The following MKX variants were observed in gnomAD, a reference collection of about 807,000 sequenced individuals.
The protein encoded by MKX is homeobox protein Mohawk.
In MKX, 13 loss-of-function variants were observed where a neutral mutation model predicts 36.0. The ratio of observed to expected loss-of-function variants is 0.36; its 90% CI spans 0.24 to 0.57. The LOEUF (loss-of-function observed/expected upper bound fraction) is 0.57. Among genes scored for constraint, MKX ranks in the 20% least tolerant of loss-of-function variants. MKX has a pLI of 0.79. For missense variants in MKX, 458 were observed against 456.4 expected (o/e 1.00, Z -0.03); for synonymous variants, 176 against 178.3 (o/e 0.99, Z 0.10).
intron 5 of MKX, among the ~76,000 whole-genome samples, chr10:27,711,537 TCC>T (rs1836871530): frequency 1.6e-5 from 2 of 123,858 alleles, no homozygotes; most frequent in African/African-American, 2.9e-5. Flanking sequence ...CTTCCTTCCT[TCC>T]TTTTTCTTTC....
At chr10:27,687,232 A>G (rs1283046326) in intron 5 of MKX, among the ~76,000 whole-genome samples, 1 of 152,018 alleles carries the variant, frequency 6.6e-6, no homozygotes, top group East Asian at 1.9e-4. Context: ...TCTCGAACAC[A>G]TGACCTCGTG....
intron 5 of MKX, among the ~76,000 whole-genome samples, chr10:27,725,315 AAG>A (rs1346355253): frequency 1.3e-5 from 2 of 152,200 alleles, no homozygotes; most frequent in African/African-American, 4.8e-5. Context: ...TCAAAGAGGA[AAG>A]AGAGAAAAAG....
At chr10:27,686,492 C>G (rs967831311) in intron 5 of MKX, among the ~76,000 whole-genome samples, 2 of 152,010 alleles carry the variant, frequency 1.3e-5, no homozygotes, top group African/African-American at 2.4e-5. Flanking sequence ...TCTTTTCTTT[C>G]TTCTGAGACA....
Position 27,744,737 on chromosome 10 carries a change from C to CAT in MKX, c.-83+969_-83+970insAT, listed in dbSNP as rs1835011664. The CAT allele has an allele frequency of 6.4e-6, 1 of 155,364 alleles. No homozygotes were observed. The highest frequency in any genetic ancestry group is 1.9e-4 in the East Asian group (1 of 5,306). The allele number at this position is 155,364 out of a possible 1,614,324, so 9.6% of individuals were successfully genotyped here. A position where few individuals can be genotyped will look rare whatever the true frequency, so the allele number is the denominator to read the frequency against. On this transcript the variant is annotated intron_variant, in intron 1 of 6. Coordinates refer to ENST00000419761, the MANE Select transcript of MKX (RefSeq NM_173576.3). This position sits in a 1 kb window ranked among gnomAD's most constrained non-coding sequence, Gnocchi z 5.6. ...ACACACACACACACACACACACACA[C>CAT]ACACACACCCTTTGCCTCGCCAAGC...
chr10:27,708,446 T>C (rs549111811), intron 5 of MKX, among the ~76,000 whole-genome samples: 13 of 152,276 alleles, frequency 8.5e-5, no homozygotes, highest in Non-Finnish European at 1.8e-4. Flanking sequence ...AAAAATTGAC[T>C]ATAGGCCGGG....
Position 27,741,553 on chromosome 10 carries a change from G to T in MKX, c.189-49C>A, listed in dbSNP as rs201344513. The T allele has an allele frequency of 9.9e-5, 151 of 1,519,798 alleles. No individual in the cohort carries two copies. The East Asian group carries it at 3.1e-3, about 31-fold the overall frequency. 94.1% of individuals were successfully genotyped at this position (1,519,798 alleles called of 1,614,324 possible). ...GCCCTGGTGAGCGACGCGTTTGCCC[G>T]CCCGGACGCTCCACGCCCCGGCCAA... On this transcript the variant is annotated intron_variant, in intron 2 of 6. Transcript: ENST00000419761. The surrounding 1 kb of genome is among the most constrained non-coding windows in gnomAD (Gnocchi z 5.1).
At chr10:27,706,615 A>G (rs914436278) in intron 5 of MKX, among the ~76,000 whole-genome samples, 8 of 151,544 alleles carry the variant, frequency 5.3e-5, no homozygotes, top group Non-Finnish European at 1.0e-4. Context: ...GTGAGGTGGT[A>G]TATCATTGTA....
intron 5 of MKX, among the ~76,000 whole-genome samples, chr10:27,676,750 C>T (rs1358993923): frequency 6.6e-6 from 1 of 152,038 alleles, no homozygotes; most frequent in Non-Finnish European, 1.5e-5. Flanking sequence ...AGTAACGGAC[C>T]CAATGGTGAT....
intron 5 of MKX, among the ~76,000 whole-genome samples, chr10:27,701,232 T>G (rs1290115060): frequency 6.6e-6 from 1 of 151,952 alleles, no homozygotes; most frequent in Admixed American, 6.6e-5. Context: ...AATTGCTACG[T>G]AACGTTTTAA....
chr10:27,695,882 T>C (rs1402522474), intron 5 of MKX, among the ~76,000 whole-genome samples: 1 of 152,214 alleles, frequency 6.6e-6, no homozygotes, highest in African/African-American at 2.4e-5. Context: ...GAAGCATGTA[T>C]CAAAAGGTTA....
chr10:27,701,451 T>G (rs1338774892), intron 5 of MKX, among the ~76,000 whole-genome samples: 1 of 146,370 alleles, frequency 6.8e-6, no homozygotes, highest in Non-Finnish European at 1.5e-5. Context: ...CATAAGTATA[T>G]AAAAGATTAA....
At chr10:27,675,588 T>C in intron 5 of MKX, 34 bp from the exon 6 acceptor site, 3 of 1,600,054 alleles carry the variant, frequency 1.9e-6, no homozygotes, top group Non-Finnish European at 2.6e-6. Context: ...ATTATTTTTA[T>C]GTTTTTCCTT....
Position 27,735,256 on chromosome 10 carries a change from C to T in MKX, c.467G>A (p.Arg156Gln), listed in dbSNP as rs190790004. ...YNKYVQGNAE[R>Q]LSVSSDDSCS... is the part of the protein sequence containing the mutation. ...TGAGTCATCACTGCTTACGCTAAGC[C>T]GTTCAGCATTGCCTTGAACATACTT... The change falls in exon 4 of 7, where the codon CGG becomes CAG. Residue 156 changes from arginine to glutamine, a missense_variant. Around this residue, in one of 3 missense-constraint regions of MKX, gnomAD observed 297 missense variants for 304.4 expected, o/e 0.98. Transcript: ENST00000419761. The T allele has an allele frequency of 1.2e-5, 20 of 1,610,340 alleles. No homozygotes were observed. The highest frequency in any genetic ancestry group is 4.5e-5 in the East Asian group (2 of 44,688).
Position 27,743,374 on chromosome 10 carries a change from C to T in MKX, c.42G>A (p.Leu14=). 6.3e-7 allele frequency: 1 copy of T among 1,575,130 alleles called. No individual in the cohort carries two copies. The highest frequency in any genetic ancestry group is 8.6e-7 in the Non-Finnish European group (1 of 1,162,984). The change falls in exon 2 of 7, where the codon CTG becomes CTA. Residue 14 remains leucine, a synonymous_variant. Transcript: ENST00000419761. ...IVFNKLSGAV[L]FEDGGASERE... Reference sequence around the variant, plus strand: ...GCTCCGAGGCGCCTCCGTCCTCAAACAGCACCGCACCGCTGAGCTTGTTGA... The same window carrying T: ...GCTCCGAGGCGCCTCCGTCCTCAAATAGCACCGCACCGCTGAGCTTGTTGA...
At chr10:27,713,188 A>T (rs1477720639) in intron 5 of MKX, among the ~76,000 whole-genome samples, 1 of 152,240 alleles carries the variant, frequency 6.6e-6, no homozygotes, top group African/African-American at 2.4e-5. Context: ...GCCCTTGGGC[A>T]TCTCTAGAAA....
rs887841593 is a variant in MKX, at chr10:27,682,470, C to T, written c.839-6916G>A. ...CACTCACCACTCACTTACTCACTCACTCACCCAAAGCAACTTCCAGCCTTG... is the reference window on the plus strand; with the variant it reads ...CACTCACCACTCACTTACTCACTCATTCACCCAAAGCAACTTCCAGCCTTG... On this transcript the variant is annotated intron_variant, in intron 5 of 6. Coordinates refer to ENST00000419761, the MANE Select transcript of MKX (RefSeq NM_173576.3). Among the ~76,000 whole-genome samples, 135 of 152,154 alleles carry T rather than the reference C, an allele frequency of 8.9e-4. 1 individual carries two copies. Among genetic ancestry groups the T allele is most frequent in the Non-Finnish European group, 8.8e-5 (6 of 68,036 alleles).
chr10:27,730,995 G>A (rs1834613886), intron 5 of MKX, among the ~76,000 whole-genome samples: 1 of 151,656 alleles, frequency 6.6e-6, no homozygotes, highest in Non-Finnish European at 1.5e-5. Context: ...TTAGCCCAAT[G>A]TGGTGGCACG....
At chr10:27,720,091 T>C (rs1228700506) in intron 5 of MKX, among the ~76,000 whole-genome samples, 1 of 151,668 alleles carries the variant, frequency 6.6e-6, no homozygotes, top group Non-Finnish European at 1.5e-5. Flanking sequence ...CTAAAACTGT[T>C]CAGAAAATGG....
intron 5 of MKX, among the ~76,000 whole-genome samples, chr10:27,724,872 A>G (rs935781835): frequency 1.3e-5 from 2 of 152,046 alleles, no homozygotes; most frequent in South Asian, 4.2e-4. Context: ...ATAACCAAAG[A>G]TGATCCGTAG....
Sources: allele counts gnomAD v4.1 joint callset (sites outside exome capture counted in the v4.1 genomes callset), GRCh38; gene constraint gnomAD v4.1.1; regional missense constraint gnomAD v4.1.1; non-coding constraint Gnocchi (gnomAD v3.1); transcripts MANE v1.5; gene names NCBI Gene and HGNC (gene_info 2026-07-23, HGNC 2026-07-21).